The following MYO6 variants were observed in gnomAD, a reference collection of about 807,000 sequenced individuals.
MYO6 encodes the protein unconventional myosin-VI.
Under a neutral mutation model 178.7 loss-of-function variants are expected in MYO6, and 74 were observed. That is an observed-to-expected ratio of 0.41 (90% confidence interval 0.34 to 0.50). MYO6 has a LOEUF of 0.50. Ranked by LOEUF, MYO6 falls within the 20% of genes least tolerant of loss-of-function variation. The probability of loss-of-function intolerance (pLI) is 0.09; values close to 1 mark genes in which losing one functional copy is unlikely to be tolerated. For missense variants in MYO6, 1,330 were observed against 1,547.4 expected (o/e 0.86, Z 2.36); for synonymous variants, 477 against 504.6 (o/e 0.95, Z 0.73).
intron 18 of MYO6, chr6:75,867,347 C>G: frequency 2.6e-6 from 1 of 386,102 alleles, no homozygotes; most frequent in Non-Finnish European, 4.7e-6. Context: ...ATTGCCTCTC[C>G]TAATGTTCTT....
At chr6:75,873,918 C>A (rs1777358114) in intron 20 of MYO6, among the ~76,000 whole-genome samples, 1 of 152,152 alleles carries the variant, frequency 6.6e-6, no homozygotes, top group Admixed American at 6.6e-5. Context: ...ACCAGGCTTG[C>A]TCTGTTTGCT....
At chr6:75,782,151 CAT>C (rs796993871) in intron 1 of MYO6, among the ~76,000 whole-genome samples, 19 of 152,192 alleles carry the variant, frequency 1.2e-4, no homozygotes, top group African/African-American at 3.9e-4. Context: ...TTTCAAAAAA[CAT>C]ATTTTCCTTT....
At chr6:75,846,746 A>C (rs1216987507) in intron 10 of MYO6, among the ~76,000 whole-genome samples, 1 of 152,138 alleles carries the variant, frequency 6.6e-6, no homozygotes, top group Non-Finnish European at 1.5e-5. Context: ...GGAAAAAGAT[A>C]TAAATTTGAT....
In MYO6 at chr6:75,901,972, A is replaced by G. The variant is rs529455524; in HGVS notation, c.3176+3561A>G. Among the ~76,000 whole-genome samples, 82 of 152,320 alleles carry G rather than the reference A, an allele frequency of 5.4e-4. 1 individual carries two copies. Among genetic ancestry groups the G allele is most frequent in the African/African-American group, 1.8e-3 (75 of 41,566 alleles). On this transcript the variant is annotated intron_variant, in intron 30 of 34. Transcript: ENST00000369977. ...TTTGTCAAAAGCCTTTTCTGCATCT[A>G]TTGAGATAATCATGTGGTTTTTGTC...
intron 1 of MYO6, among the ~76,000 whole-genome samples, chr6:75,755,982 C>A (rs1036284380): frequency 6.6e-6 from 1 of 152,178 alleles, no homozygotes; most frequent in African/African-American, 2.4e-5. Context: ...ATATTTCTGA[C>A]CTATCTGTCG....
chr6:75,807,677 G>C (rs1023420595), intron 1 of MYO6, among the ~76,000 whole-genome samples: 3 of 152,202 alleles, frequency 2.0e-5, no homozygotes, highest in Non-Finnish European at 2.9e-5. Context: ...AAGGAATAAA[G>C]AATAGCTCCT....
chr6:75,829,016 A>C (rs571501567), intron 4 of MYO6, among the ~76,000 whole-genome samples: 2 of 152,266 alleles, frequency 1.3e-5, no homozygotes, highest in African/African-American at 4.8e-5. Context: ...AAGGCAGCCT[A>C]TAAGGAATGT....
chr6:75,751,727 T>C (rs998857990), intron 1 of MYO6, among the ~76,000 whole-genome samples: 1 of 152,190 alleles, frequency 6.6e-6, no homozygotes, highest in Non-Finnish European at 1.5e-5. Context: ...TTTAGACAAC[T>C]GGGCTGTATC....
At chr6:75,884,934 TA>T (rs1441796772) in intron 23 of MYO6, among the ~76,000 whole-genome samples, 1 of 152,250 alleles carries the variant, frequency 6.6e-6, no homozygotes, top group East Asian at 1.9e-4. Flanking sequence ...CCGTAATTTC[TA>T]ATCTTGGAGC....
intron 20 of MYO6, among the ~76,000 whole-genome samples, chr6:75,874,728 CA>C (rs2149331031): frequency 6.6e-6 from 1 of 152,288 alleles, no homozygotes; most frequent in East Asian, 1.9e-4. Flanking sequence ...ATCTCTAAGC[CA>C]CATTTCTCTT....
intron 1 of MYO6, among the ~76,000 whole-genome samples, chr6:75,792,570 A>C (rs1404773127): frequency 6.6e-6 from 1 of 152,154 alleles, no homozygotes. Context: ...CGAGCTGTAG[A>C]ACTCTTCATT....
At chr6:75,848,777 C>G (rs989819568) in intron 11 of MYO6, among the ~76,000 whole-genome samples, 1 of 152,018 alleles carries the variant, frequency 6.6e-6, no homozygotes, top group African/African-American at 2.4e-5. Flanking sequence ...GTATAAATAA[C>G]TGACTATTTT....
intron 10 of MYO6, among the ~76,000 whole-genome samples, chr6:75,847,468 C>T (rs921592559): frequency 6.6e-6 from 1 of 151,802 alleles, no homozygotes; most frequent in Non-Finnish European, 1.5e-5. Context: ...TTTTCGTGTC[C>T]AGTAACTTTT....
At position 75,911,682 on chromosome 6, in the gene MYO6, A is replaced by G. The variant is rs1490299713; in HGVS notation, c.3423A>G (p.Pro1141=). ...PKSVTDYDFA[P]FLNNSPQQNP... Reference sequence around the variant, plus strand: ...AATATTTGTTCACAGATTTTGCACCATTTTTGAACAATTCACGTAAGTCAA... The same window carrying G: ...AATATTTGTTCACAGATTTTGCACCGTTTTTGAACAATTCACGTAAGTCAA... Residue 1141 remains proline, a synonymous_variant, in exon 33 of 35, where the codon CCA becomes CCG. Transcript: ENST00000369977. 4 of 1,611,956 alleles carry G rather than the reference A, an allele frequency of 2.5e-6. No individual in the cohort carries two copies. The highest frequency in any genetic ancestry group is 2.2e-5 in the East Asian group (1 of 44,750).
rs1780156363 is a variant in MYO6 at position 75,904,981 on chromosome 6, C to T, written c.3177-2624C>T. Among the ~76,000 whole-genome samples, 6 of 152,134 alleles carry T rather than the reference C, an allele frequency of 3.9e-5. No homozygotes were observed. In the South Asian group the frequency reaches 6.2e-4, roughly 16 times the overall value. ...TCAGCTGCAGGTCTGTTGGAGTACC[C>T]GGCCGTGTGAGGTGTCAGTCTGCCC... On this transcript the variant is annotated intron_variant, in intron 30 of 34. Transcript: ENST00000369977.
intron 20 of MYO6, among the ~76,000 whole-genome samples, chr6:75,876,808 C>G (rs1315401998): frequency 6.6e-6 from 1 of 151,836 alleles, no homozygotes; most frequent in Non-Finnish European, 1.5e-5. Context: ...AGAATTTGTT[C>G]CAGTCATGTA....
At chr6:75,807,392 C>T (rs1173426589) in intron 1 of MYO6, among the ~76,000 whole-genome samples, 1 of 152,100 alleles carries the variant, frequency 6.6e-6, no homozygotes, top group African/African-American at 2.4e-5. Context: ...TCTTTTGGTT[C>T]TGGTATATTT....
intron 26 of MYO6, 43 bp downstream of exon 26, chr6:75,890,308 A>C: frequency 1.2e-6 from 2 of 1,611,186 alleles, no homozygotes; most frequent in Non-Finnish European, 1.7e-6. Flanking sequence ...TTAAAGAAAT[A>C]GTGAATTCTT....
chr6:75,785,974 G>A (rs1264532817), intron 1 of MYO6, among the ~76,000 whole-genome samples: 1 of 151,896 alleles, frequency 6.6e-6, no homozygotes, highest in Non-Finnish European at 1.5e-5. Flanking sequence ...GGAGTGCAGT[G>A]GTGCGATCCT....
Sources: allele counts gnomAD v4.1 joint callset (sites outside exome capture counted in the v4.1 genomes callset), GRCh38; gene constraint gnomAD v4.1.1; transcripts MANE v1.5; gene names NCBI Gene and HGNC (gene_info 2026-07-23, HGNC 2026-07-21).